The following AP4M1 variants were observed in gnomAD, a reference collection of about 807,000 sequenced individuals.
AP4M1 encodes the protein AP-4 complex subunit mu-1.
A neutral mutation model predicts 62.4 loss-of-function variants in AP4M1; 58 were observed. The observed-to-expected ratio is 0.93, with a 90% confidence interval of 0.75 to 1.16. AP4M1 has a LOEUF of 1.16. AP4M1 is among the 50% of genes most tolerant of loss of function. AP4M1 has a pLI of 0.00. For synonymous variants in AP4M1, 290 were observed against 239.7 expected, an observed-to-expected ratio of 1.21 and a Z score of -1.94; for missense variants, 626 against 585.4, an observed-to-expected ratio of 1.07 and a Z score of -0.72.
Position 100,106,919 on chromosome 7 carries a change from G to T in AP4M1, c.*37G>T, listed in dbSNP as rs1452295439. 2 of 1,595,026 alleles carry T rather than the reference G, an allele frequency of 1.3e-6. No individual in the cohort carries two copies. The highest frequency in any genetic ancestry group is 2.7e-5 in the African/African-American group (2 of 74,578). ...CGAGGACACGACGGCCAAGGTGGCA[G>T]TTTGTCCCACGGGAGGACAGTCGTT... On this transcript the variant is annotated 3_prime_UTR_variant, in exon 15 of 15. Transcript: ENST00000359593.
At chr7:100,103,799 T>C (rs139906290) in intron 6 of AP4M1, 107 bp downstream of exon 6, 55,603 of 1,261,614 alleles carry the variant, frequency 0.044, 1,296 homozygotes, top group Middle Eastern at 0.053. Flanking sequence ...CCCAGCACTT[T>C]GGGAGGCCGA....
Position 100,105,497 on chromosome 7 carries a change from TC to T in AP4M1, c.889del (p.Arg297GlyfsTer19), listed in dbSNP as rs759651013. The T allele has an allele frequency of 3.1e-6, 5 of 1,613,818 alleles. No homozygotes were observed. The African/African-American group carries it at 5.3e-5, about 17-fold the overall frequency. Reference protein sequence around the residue: ...LSDDLPSPLPFRLFPSVQWDR... With the variant: ...LSDDLPSPLPXRLFPSVQWDR... ...GATGACCTCCCCTCACCGCTCCCCT[TC>T]CGGCTCTTCCCCTCTGTGCAGTGGG... is the stretch of plus-strand genomic sequence containing the variant. On this transcript the variant is annotated frameshift_variant, in exon 11 of 15. Transcript: ENST00000359593. LOFTEE classifies it high-confidence loss of function.
At position 100,106,648 on chromosome 7, in the gene AP4M1, C is replaced by A. The variant is rs556651359; in HGVS notation, c.1138-10C>A. ...GCCCTCCTTCCTCTCCCTGCCTCTGCCCCTCACAGATGGACGTCCCAGGGC... is the reference window on the plus strand; with the variant it reads ...GCCCTCCTTCCTCTCCCTGCCTCTGACCCTCACAGATGGACGTCCCAGGGC... On this transcript the variant is annotated splice_polypyrimidine_tract_variant and intron_variant, in intron 14 of 14. Transcript: ENST00000359593. 2 of 1,601,422 alleles carry A rather than the reference C, an allele frequency of 1.2e-6. No homozygotes were observed. The highest frequency in any genetic ancestry group is 1.1e-5 in the South Asian group (1 of 90,860).
At chr7:100,105,662 T>G (rs1458687213) in intron 11 of AP4M1, 123 bp downstream of exon 11, 2 of 1,066,090 alleles carry the variant, frequency 1.9e-6, no homozygotes, top group Non-Finnish European at 2.8e-6. Flanking sequence ...GGAAAAAGGC[T>G]TGGGTTGCGG....
At position 100,108,701 on chromosome 7, in the gene AP4M1, A is replaced by G. The variant is rs1267700911; in HGVS notation, c.*1819A>G. 8 of 694,212 alleles carry G rather than the reference A, an allele frequency of 1.2e-5. No individual in the cohort carries two copies. The highest frequency in any genetic ancestry group is 3.8e-5 in the South Asian group (2 of 52,488). The allele number at this position is 694,212 out of a possible 1,614,324, so 43.0% of individuals were successfully genotyped here. On this transcript the variant is annotated 3_prime_UTR_variant, in exon 15 of 15. Transcript: ENST00000359593. ...GTTGAAGGCCAAATTATGCTGAACT[A>G]TTAGTGTGTGTACAGAACACTGTGG...
Position 100,106,073 on chromosome 7 carries a change from T to G in AP4M1, c.974+70T>G, listed in dbSNP as rs373791295. 4.4e-6 allele frequency: 7 copies of G among 1,582,396 alleles called. No individual in the cohort carries two copies. The African/African-American group carries it at 8.1e-5, about 18-fold the overall frequency. ...AAGACAGGGCCAGGGCACCTGCTGC[T>G]TCTCCCTTCAGATGCAGCTGCCAGC... On this transcript the variant is annotated intron_variant, in intron 12 of 14. Coordinates refer to ENST00000359593, the MANE Select transcript of AP4M1 (RefSeq NM_004722.4).
chr7:100,103,746 A>G lies in AP4M1; in HGVS notation c.543+54A>G, dbSNP rs1796245140. ...CTCTGGTTTTGCTCTGGGATCCGGG[A>G]GTCCAAGATCTTAGGTCGGGCACAG... On this transcript the variant is annotated intron_variant, in intron 6 of 14. Coordinates refer to ENST00000359593, the MANE Select transcript of AP4M1 (RefSeq NM_004722.4). 7 of 1,585,888 alleles carry G rather than the reference A, an allele frequency of 4.4e-6. No homozygotes were observed. In the African/African-American group the frequency reaches 8.0e-5, roughly 18 times the overall value.
In AP4M1 at chr7:100,106,977, A is replaced by G; in HGVS notation, c.*95A>G. 7.0e-7 allele frequency: 1 copy of G among 1,419,444 alleles called. No individual in the cohort carries two copies. Among genetic ancestry groups the G allele is most frequent in the Non-Finnish European group, 9.6e-7 (1 of 1,040,346 alleles). The allele number at this position is 1,419,444 out of a possible 1,614,324, so 87.9% of individuals were successfully genotyped here. A position where few individuals can be genotyped will look rare whatever the true frequency, so the allele number is the denominator to read the frequency against. Reference sequence around the variant, plus strand: ...CAGCCTCCTGGCCTTCGGACTCTGAATCTGGGCAGGAAGAGTCCTCAGTCC... The same window carrying G: ...CAGCCTCCTGGCCTTCGGACTCTGAGTCTGGGCAGGAAGAGTCCTCAGTCC... On this transcript the variant is annotated 3_prime_UTR_variant, in exon 15 of 15. Transcript: ENST00000359593.
rs1796796679 is a variant in AP4M1, at chr7:100,108,438, C to T, written c.*1556C>T. 1.9e-6 allele frequency: 3 copies of T among 1,613,854 alleles called. No homozygotes were observed. Among genetic ancestry groups the T allele is most frequent in the Non-Finnish European group, 2.5e-6 (3 of 1,179,884 alleles). Reference sequence around the variant, plus strand: ...GCAGCCTGGGCCCGAGCCTTGACCACCTGGGAGCAGAGGAGGGGCCCAAGG... The same window carrying T: ...GCAGCCTGGGCCCGAGCCTTGACCATCTGGGAGCAGAGGAGGGGCCCAAGG... On this transcript the variant is annotated 3_prime_UTR_variant, in exon 15 of 15. Transcript: ENST00000359593.
In AP4M1 at chr7:100,103,475, G is replaced by C; in HGVS notation, c.418G>C (p.Val140Leu). 1 of 1,614,162 alleles carries C rather than the reference G, an allele frequency of 6.2e-7. No individual in the cohort carries two copies. ...GAATTTCATCCAGACGGAAGCTGTG[G>C]TCAGCAAGCCCTTCAGCCTCTTTGA... ...LRNFIQTEAVVSKPFSLFDLS... is the reference protein window; with the variant it reads ...LRNFIQTEAVLSKPFSLFDLS... The change falls in exon 5 of 15, where the codon GTC (valine) becomes CTC (leucine). Residue 140 changes from valine to leucine, a missense_variant. By Grantham distance (32) the Val-to-Leu change is conservative. Coordinates refer to ENST00000359593, the MANE Select transcript of AP4M1 (RefSeq NM_004722.4).
Position 100,107,870 on chromosome 7 carries a change from G to A in AP4M1, c.*988G>A. The A allele has an allele frequency of 1.9e-6, 3 of 1,551,030 alleles. No individual in the cohort carries two copies. Among genetic ancestry groups the A allele is most frequent in the Non-Finnish European group, 2.6e-6 (3 of 1,144,612 alleles). Reference sequence around the variant, plus strand: ...TGCTCTACTCCTGGGCCTCCCCAGGGTGCTCTGAGGTAACCCAGGCCCTCC... The same window carrying A: ...TGCTCTACTCCTGGGCCTCCCCAGGATGCTCTGAGGTAACCCAGGCCCTCC... On this transcript the variant is annotated 3_prime_UTR_variant, in exon 15 of 15. Coordinates refer to ENST00000359593, the MANE Select transcript of AP4M1 (RefSeq NM_004722.4).
At chr7:100,101,424 C>T, upstream of AP4M1, 2 of 1,283,864 alleles carry the variant, frequency 1.6e-6, no homozygotes, top group African/African-American at 1.5e-5. Context: ...CCCCACGTGA[C>T]CGGCGCCACT....
At chr7:100,102,462 T>A in intron 2 of AP4M1, 1 of 610,834 alleles carries the variant, frequency 1.6e-6, no homozygotes, top group South Asian at 1.9e-5. Context: ...CCCAGCTCCC[T>A]GCGTGACTCC....
upstream of AP4M1, chr7:100,101,215 C>G: frequency 6.2e-7 from 1 of 1,611,000 alleles, no homozygotes; most frequent in South Asian, 1.1e-5. Context: ...CAGGTGTTCC[C>G]CGGGAGGCTC....
chr7:100,107,157 T>C lies in AP4M1; in HGVS notation c.*275T>C. ...TGACATGAAGGAAGCAATCTACAAC[T>C]TCCTTCCGCTTAGCGAGCATGCATG... is the stretch of plus-strand genomic sequence containing the variant. On this transcript the variant is annotated 3_prime_UTR_variant, in exon 15 of 15. Transcript: ENST00000359593. 1 of 1,494,040 alleles carries C rather than the reference T, an allele frequency of 6.7e-7. No individual in the cohort carries two copies. Among genetic ancestry groups the C allele is most frequent in the East Asian group, 2.3e-5 (1 of 43,526 alleles). 92.5% of individuals were successfully genotyped at this position (1,494,040 alleles called of 1,614,324 possible). A position where few individuals can be genotyped will look rare whatever the true frequency, so the allele number is the denominator to read the frequency against.
upstream of AP4M1, chr7:100,101,305 G>A: frequency 1.9e-6 from 3 of 1,613,178 alleles, no homozygotes; most frequent in East Asian, 2.2e-5. Context: ...CGCTGCCGAG[G>A]GCCGTGCGGC....
rs765273374 is a variant in AP4M1, at chr7:100,106,472, G to C, written c.1095G>C (p.Leu365=). The change falls in exon 14 of 15, where the codon CTG becomes CTC. Residue 365 remains leucine, a synonymous_variant. Transcript: ENST00000359593. ...CAGAGGGAGCCCTTCGCTGGGACCT[G>C]CCTCGGGTGCAAGGAGGCTCTCAAC... ...ELAEGALRWD[L]PRVQGGSQLS... 1 of 1,613,816 alleles carries C rather than the reference G, an allele frequency of 6.2e-7. No homozygotes were observed. The highest frequency in any genetic ancestry group is 8.5e-7 in the Non-Finnish European group (1 of 1,180,036).
Position 100,103,600 on chromosome 7 carries a change from G to C in AP4M1, c.463-12G>C. On this transcript the variant is annotated splice_polypyrimidine_tract_variant and intron_variant, in intron 5 of 14. Transcript: ENST00000359593. ...TCAGACCTGATGATTGATTGCTTTGGATGCTTTACAGTTTGGGGCTGAGAC... is the reference window on the plus strand; with the variant it reads ...TCAGACCTGATGATTGATTGCTTTGCATGCTTTACAGTTTGGGGCTGAGAC... The C allele has an allele frequency of 6.2e-7, 1 of 1,614,110 alleles. No homozygotes were observed. Among genetic ancestry groups the C allele is most frequent in the Non-Finnish European group, 8.5e-7 (1 of 1,180,012 alleles).
chr7:100,101,497 G>T, upstream of AP4M1: 1 of 795,724 alleles, frequency 1.3e-6, no homozygotes, highest in Admixed American at 2.2e-5. Flanking sequence ...GCCAATCACC[G>T]TGCGGGCCTA....
Sources: allele counts gnomAD v4.1 joint callset, GRCh38; gene constraint gnomAD v4.1.1; transcripts MANE v1.5; gene names NCBI Gene and HGNC (gene_info 2026-07-23, HGNC 2026-07-21).